The following EDRF1 variants were observed in gnomAD, a reference collection of about 807,000 sequenced individuals.
EDRF1 encodes erythroid differentiation-related factor 1.
In EDRF1, 69 loss-of-function variants were observed where a neutral mutation model predicts 148.7. The observed-to-expected ratio is 0.46, with a 90% CI of 0.38 to 0.57. The LOEUF is 0.57. EDRF1 is among the 20% of genes least tolerant of loss of function. The pLI, the probability that EDRF1 is intolerant of heterozygous loss-of-function variation, is 0.00. For synonymous variants in EDRF1, 515 were observed against 532.8 expected (o/e 0.97, Z 0.46); for missense variants, 1,118 against 1,478.7 (o/e 0.76, Z 4.00).
intron 24 of EDRF1, among the ~76,000 whole-genome samples, chr10:125,755,179 T>C (rs780394523): frequency 1.3e-5 from 2 of 152,240 alleles, no homozygotes; most frequent in Non-Finnish European, 2.9e-5. Flanking sequence ...TTTTCTTCTA[T>C]TCTGAATTTG....
chr10:125,744,236 T>A (rs10688667), intron 18 of EDRF1, among the ~76,000 whole-genome samples: 97,965 of 147,682 alleles, frequency 0.66, 33,982 homozygotes, highest in East Asian at 0.88. Flanking sequence ...TTTTTTTTTT[T>A]GAGACAGGGT....
rs1483634518 is a variant in EDRF1 at position 125,729,358 on chromosome 10, G to C, written c.895G>C (p.Gly299Arg). 2.5e-6 allele frequency: 4 copies of C among 1,612,686 alleles called. No homozygotes were observed. Among genetic ancestry groups the C allele is most frequent in the Non-Finnish European group, 3.4e-6 (4 of 1,178,944 alleles). Residue 299 changes from glycine to arginine, a missense_variant and splice_region_variant, in exon 8 of 25, where the codon GGT becomes CGT. Coordinates refer to ENST00000356792, the MANE Select transcript of EDRF1 (RefSeq NM_001202438.2). ...TLFNDGEHSQ[G>R]LKNDFVRNIL... ...TAATCCTCCCTATTTTAAATCACAG[G>C]GTCTTAAAAATGATTTTGTTCGGAA...
Position 125,729,001 on chromosome 10 carries a change from A to T in EDRF1, c.793-2A>T. On this transcript the variant is annotated splice_acceptor_variant, in intron 6 of 24. Coordinates refer to ENST00000356792, the MANE Select transcript of EDRF1 (RefSeq NM_001202438.2). LOFTEE classifies it high-confidence loss of function. ...CACTCCTTATCCTTGCACTTTTCAC[A>T]GGGAAGTGAGCCTCTTGAACCCTCA... is the stretch of plus-strand genomic sequence containing the variant. 6.4e-7 allele frequency: 1 copy of T among 1,572,078 alleles called. No individual in the cohort carries two copies. The highest frequency in any genetic ancestry group is 1.8e-5 in the Admixed American group (1 of 55,822).
chr10:125,736,559 A>G (rs1356391107), intron 13 of EDRF1, among the ~76,000 whole-genome samples: 6 of 152,132 alleles, frequency 3.9e-5, no homozygotes, highest in African/African-American at 1.4e-4. Flanking sequence ...GTATTTACAG[A>G]TAATCTCTTA....
chr10:125,730,364 C>T lies in EDRF1; in HGVS notation c.1093C>T (p.Leu365Phe). 1 of 1,613,818 alleles carries T rather than the reference C, an allele frequency of 6.2e-7. No homozygotes were observed. The highest frequency in any genetic ancestry group is 8.5e-7 in the Non-Finnish European group (1 of 1,179,784). The change falls in exon 9 of 25, where the codon CTT becomes TTT. Residue 365 changes from leucine (L) to phenylalanine (F), a missense_variant. Physicochemically the swap from Leu to Phe is conservative, Grantham distance 22 (BLOSUM62 0). Transcript: ENST00000356792. The part of the protein sequence containing the change: ...LDNLICNVPE[L>F]VMCFHVNGIV... ...CAACTTGATATGCAATGTGCCAGAG[C>T]TTGTGATGTGTTTTCATGTAAATGG...
At chr10:125,742,234 A>T (rs778018336) in intron 17 of EDRF1, 2 of 1,289,230 alleles carry the variant, frequency 1.6e-6, no homozygotes. Context: ...TAAAACTGGG[A>T]AGTAGAATAA....
chr10:125,740,884 A>G (rs1258101202), intron 16 of EDRF1, 117 bp from the exon 17 acceptor site: 7 of 1,206,620 alleles, frequency 5.8e-6, no homozygotes, highest in Non-Finnish European at 8.5e-6. Flanking sequence ...TAAAATAAAC[A>G]GAATAGATAC....
At chr10:125,762,769 G>A (rs1400192528) in intron 24 of EDRF1, among the ~76,000 whole-genome samples, 1 of 152,184 alleles carries the variant, frequency 6.6e-6, no homozygotes, top group Non-Finnish European at 1.5e-5. Flanking sequence ...TAGCTCTAGA[G>A]ACGGCAGTAC....
chr10:125,723,786 C>G, intron 3 of EDRF1, 25 bp from the exon 4 acceptor site: 1 of 1,604,562 alleles, frequency 6.2e-7, no homozygotes, highest in Non-Finnish European at 8.5e-7. Context: ...TCTTTCTAAA[C>G]TATTTTTTCT....
intron 17 of EDRF1, 67 bp from the exon 18 acceptor site, chr10:125,742,991 T>C: frequency 6.3e-7 from 1 of 1,583,984 alleles, no homozygotes; most frequent in Non-Finnish European, 8.6e-7. Flanking sequence ...GAATCTCAGG[T>C]TCATTTGGAT....
intron 21 of EDRF1, chr10:125,748,625 T>A (rs1849492150): frequency 6.2e-6 from 1 of 160,790 alleles, no homozygotes; most frequent in Non-Finnish European, 1.4e-5. Flanking sequence ...TACCTTACAG[T>A]CCCTTTGGCA....
intron 9 of EDRF1, chr10:125,731,760 T>C: frequency 3.0e-6 from 1 of 337,662 alleles, no homozygotes; most frequent in South Asian, 2.2e-5. Context: ...AGAGGAACTA[T>C]TAAGAATCAA....
rs748993513 is a variant in EDRF1 at position 125,753,688 on chromosome 10, T to C, written c.3394-6T>C. ...CTCGAGTAAAATAACTTTTTGTTGT[T>C]TTTAGCCTAAGAGTGGTGACGCCGC... On this transcript the variant is annotated splice_region_variant and splice_polypyrimidine_tract_variant and intron_variant, in intron 23 of 24. Transcript: ENST00000356792. 5.8e-5 allele frequency: 94 copies of C among 1,614,012 alleles called. No individual in the cohort carries two copies. The Middle Eastern group carries it at 6.6e-4, about 11-fold the overall frequency.
chr10:125,749,956 C>T (rs1849556250), intron 22 of EDRF1: 1 of 316,528 alleles, frequency 3.2e-6, no homozygotes. Context: ...ACCTGGCCAA[C>T]ATAGTGAAAC....
chr10:125,738,164 T>G lies in EDRF1; in HGVS notation c.1831-131T>G, dbSNP rs1278940100. The G allele has an allele frequency of 2.2e-6, 3 of 1,390,856 alleles. No individual in the cohort carries two copies. In the African/African-American group the frequency reaches 4.3e-5, roughly 20 times the overall value. 86.2% of individuals were successfully genotyped at this position (1,390,856 alleles called of 1,614,324 possible). On this transcript the variant is annotated intron_variant, in intron 14 of 24. Coordinates refer to ENST00000356792, the MANE Select transcript of EDRF1 (RefSeq NM_001202438.2). ...TTTCCCAAATCTTTCAGATCAAACA[T>G]AGTTTTTGAAAGTCTGTTTGTGAGA...
chr10:125,749,710 G>T, intron 22 of EDRF1, 145 bp downstream of exon 22: 6 of 903,596 alleles, frequency 6.6e-6, no homozygotes, highest in East Asian at 2.6e-5. Context: ...GAGAGGGTGA[G>T]AAATCACTAC....
At position 125,763,453 on chromosome 10, in the gene EDRF1, G is replaced by T; in HGVS notation, c.3698G>T (p.Ser1233Ile). ...LGQLAAGSAA[S>I]SNAVQ ...CAGCTTGCCGCCGGCAGTGCAGCGA[G>T]CAGCAATGCCGTTCAGTGACTGCAC... is the stretch of plus-strand genomic sequence containing the variant. Residue 1233 changes from serine to isoleucine, a missense_variant, in exon 25 of 25, where the codon AGC (serine) becomes ATC (isoleucine). Physicochemically the swap from Ser to Ile is moderately radical, Grantham distance 142 (BLOSUM62 -2). Coordinates refer to ENST00000356792, the MANE Select transcript of EDRF1 (RefSeq NM_001202438.2). The surrounding 1 kb of genome is among the most constrained non-coding windows in gnomAD (Gnocchi z 4.3). 6.2e-7 allele frequency: 1 copy of T among 1,608,284 alleles called. No homozygotes were observed.
intron 3 of EDRF1, 91 bp from the exon 4 acceptor site, chr10:125,723,720 A>G: frequency 7.5e-7 from 1 of 1,333,522 alleles, no homozygotes; most frequent in South Asian, 1.2e-5. Flanking sequence ...AAGGTTTATT[A>G]TGCTTTAAAA....
intron 19 of EDRF1, among the ~76,000 whole-genome samples, chr10:125,746,252 T>C (rs751587418): frequency 9.2e-5 from 14 of 152,250 alleles, no homozygotes; most frequent in Non-Finnish European, 1.6e-4. Context: ...TAGAGGCTTA[T>C]ATGATAGGTT....
Sources: allele counts gnomAD v4.1 joint callset (sites outside exome capture counted in the v4.1 genomes callset), GRCh38; gene constraint gnomAD v4.1.1; non-coding constraint Gnocchi (gnomAD v3.1); transcripts MANE v1.5; gene names NCBI Gene and HGNC (gene_info 2026-07-23, HGNC 2026-07-21).